OSBPL8: variants seen among roughly 807,000 people sequenced by gnomAD.
OSBPL8 encodes oxysterol binding protein like 8.
OSBPL8 carries 59 observed loss-of-function variants against 125.5 expected under a neutral mutation model. The ratio of observed to expected loss-of-function variants is 0.47; its 90% confidence interval spans 0.38 to 0.58. OSBPL8 has a LOEUF of 0.58. OSBPL8 is among the 20% of genes least tolerant of loss of function. The pLI, the probability that OSBPL8 is intolerant of heterozygous loss-of-function variation, is 0.00. For synonymous variants in OSBPL8, 330 were observed against 338.9 expected (o/e 0.97, Z 0.29); for missense variants, 758 against 1,047.8 (o/e 0.72, Z 3.82).
At position 76,373,327 on chromosome 12, in the gene OSBPL8, A is replaced by C. The variant is rs1952691396; in HGVS notation, c.1917+17T>G. On this transcript the variant is annotated intron_variant, in intron 18 of 23. Coordinates refer to ENST00000261183, the MANE Select transcript of OSBPL8 (RefSeq NM_020841.5). Reference sequence around the variant, plus strand: ...GAATAAAATTCTTTTTGTAAAGCTCATATACAAAATACTTACCCAATGACC... The same window carrying C: ...GAATAAAATTCTTTTTGTAAAGCTCCTATACAAAATACTTACCCAATGACC... The C allele has an allele frequency of 3.4e-6, 5 of 1,477,294 alleles. No individual in the cohort carries two copies. The highest frequency in any genetic ancestry group is 2.0e-5 in the Admixed American group (1 of 50,366). 91.5% of individuals were successfully genotyped at this position (1,477,294 alleles called of 1,614,324 possible).
chr12:76,409,626 C>T (rs1954427400), intron 5 of OSBPL8, among the ~76,000 whole-genome samples: 1 of 152,104 alleles, frequency 6.6e-6, no homozygotes, highest in African/African-American at 2.4e-5. Flanking sequence ...ATTTCTCATA[C>T]ATGTTATATA....
chr12:76,513,861 C>G lies in OSBPL8; in HGVS notation c.-67-26243G>C, dbSNP rs1031083436. ...GGTGAGTCTTTTGAAGACAGCATAGCACTGGGTCTTGCTTTTTTATCCAGT... is the reference window on the plus strand; with the variant it reads ...GGTGAGTCTTTTGAAGACAGCATAGGACTGGGTCTTGCTTTTTTATCCAGT... On this transcript the variant is annotated intron_variant, in intron 1 of 23. Transcript: ENST00000261183. 3.3e-5 allele frequency among the ~76,000 whole-genome samples: 5 copies of G among 150,928 alleles called. No individual in the cohort carries two copies. In the East Asian group the frequency reaches 9.9e-4, roughly 30 times the overall value.
chr12:76,481,546 C>T (rs1386814640), intron 2 of OSBPL8, among the ~76,000 whole-genome samples: 7 of 152,048 alleles, frequency 4.6e-5, no homozygotes, highest in South Asian at 2.1e-4. Flanking sequence ...GGGAGGATCA[C>T]TTAAGCCCAG....
rs1270431393 is a variant in OSBPL8, at chr12:76,353,156, A to G, written c.*2733T>C. 4 of 152,474 alleles carry G rather than the reference A, an allele frequency of 2.6e-5. No individual in the cohort carries two copies. The highest frequency in any genetic ancestry group is 2.0e-4 in the Admixed American group (3 of 15,270). 9.4% of individuals were successfully genotyped at this position (152,474 alleles called of 1,614,324 possible). On this transcript the variant is annotated 3_prime_UTR_variant, in exon 24 of 24. Coordinates refer to ENST00000261183, the MANE Select transcript of OSBPL8 (RefSeq NM_020841.5). ...TGTATTTTACAAGGCCAACTTTTCA[A>G]TGGAATGCGGTTACCAACTGAGCTG...
At chr12:76,481,463 T>G (rs1293726410) in intron 2 of OSBPL8, among the ~76,000 whole-genome samples, 1 of 151,392 alleles carries the variant, frequency 6.6e-6, no homozygotes, top group Non-Finnish European at 1.5e-5. Context: ...CTGCGTCTAT[T>G]AAAAAAAAAT....
chr12:76,500,497 TAA>T (rs1254116748), intron 1 of OSBPL8, among the ~76,000 whole-genome samples: 6 of 152,214 alleles, frequency 3.9e-5, no homozygotes, highest in African/African-American at 1.4e-4. Flanking sequence ...TAATACTATT[TAA>T]GTTTTTAAAA....
Position 76,535,927 on chromosome 12 carries a change from A to G in OSBPL8, c.-68+23470T>C, listed in dbSNP as rs570178244. On this transcript the variant is annotated intron_variant, in intron 1 of 23. Coordinates refer to ENST00000261183, the MANE Select transcript of OSBPL8 (RefSeq NM_020841.5). Reference sequence around the variant, plus strand: ...ACAAGAGAATTTTGGGGACTGATGGAAAGTTCTATATCTGTATCTATTGTG... The same window carrying G: ...ACAAGAGAATTTTGGGGACTGATGGGAAGTTCTATATCTGTATCTATTGTG... Among the ~76,000 whole-genome samples the G allele has an allele frequency of 1.1e-4, 16 of 152,288 alleles. No individual in the cohort carries two copies. The East Asian group carries it at 3.1e-3, about 29-fold the overall frequency.
chr12:76,501,987 A>G (rs1565949449), intron 1 of OSBPL8, among the ~76,000 whole-genome samples: 1 of 152,252 alleles, frequency 6.6e-6, no homozygotes, highest in South Asian at 2.1e-4. Flanking sequence ...CTCATTTCAC[A>G]GCAAATGTAG....
chr12:76,447,842 C>T (rs1051153773), intron 4 of OSBPL8, among the ~76,000 whole-genome samples: 8 of 152,254 alleles, frequency 5.3e-5, no homozygotes, highest in African/African-American at 1.9e-4. Flanking sequence ...CCACTGCACC[C>T]GGTCAGCCAA....
intron 21 of OSBPL8, among the ~76,000 whole-genome samples, chr12:76,365,611 G>A (rs1185850697): frequency 6.6e-6 from 1 of 151,762 alleles, no homozygotes; most frequent in African/African-American, 2.4e-5. Context: ...TTCTTGCTCT[G>A]GCTAGAACTT....
At chr12:76,429,033 T>C (rs2136556523) in intron 4 of OSBPL8, among the ~76,000 whole-genome samples, 2 of 152,260 alleles carry the variant, frequency 1.3e-5, no homozygotes, top group Admixed American at 1.3e-4. Context: ...ATCTTACTAA[T>C]AATTACATGG....
chr12:76,545,016 A>G (rs576121525), intron 1 of OSBPL8, among the ~76,000 whole-genome samples: 1 of 152,310 alleles, frequency 6.6e-6, no homozygotes, highest in Non-Finnish European at 1.5e-5. Flanking sequence ...CAGAGAGAGT[A>G]AGTGGTTTGC....
chr12:76,422,615 C>T (rs1271047823), intron 4 of OSBPL8: 5 of 456,546 alleles, frequency 1.1e-5, no homozygotes, highest in South Asian at 6.2e-5. Flanking sequence ...AACCCCAGTA[C>T]AGGAAGAAAA....
intron 6 of OSBPL8, among the ~76,000 whole-genome samples, chr12:76,400,389 C>G (rs1036514115): frequency 6.6e-5 from 10 of 152,180 alleles, no homozygotes; most frequent in African/African-American, 2.4e-4. Context: ...TTTTCTTTAT[C>G]CAGTCTCTCA....
chr12:76,361,943 G>A lies in OSBPL8; in HGVS notation c.2329-3132C>T, dbSNP rs185797046. 2.0e-3 allele frequency among the ~76,000 whole-genome samples: 302 copies of A among 152,246 alleles called. 1 individual carries two copies. Among genetic ancestry groups the A allele is most frequent in the African/African-American group, 6.9e-3 (287 of 41,534 alleles). ...TAATGTTCATGCTTGGAAAAACAGA[G>A]AACCAGTGGTCAACAACTCGTTCTT... On this transcript the variant is annotated intron_variant, in intron 21 of 23. Transcript: ENST00000261183.
chr12:76,399,490 A>T (rs1953960416), intron 7 of OSBPL8, among the ~76,000 whole-genome samples: 2 of 152,226 alleles, frequency 1.3e-5, no homozygotes, highest in Admixed American at 6.5e-5. Context: ...TGATTATTTT[A>T]AAATAGCTTT....
chr12:76,479,761 G>A (rs935035102), intron 2 of OSBPL8, among the ~76,000 whole-genome samples: 9 of 152,232 alleles, frequency 5.9e-5, no homozygotes, highest in East Asian at 3.9e-4. Flanking sequence ...ATAAACCATC[G>A]TGTTTTTTCA....
intron 4 of OSBPL8, among the ~76,000 whole-genome samples, chr12:76,428,464 C>T (rs946136451): frequency 6.6e-6 from 1 of 151,992 alleles, no homozygotes; most frequent in Non-Finnish European, 1.5e-5. Flanking sequence ...GGAAAAACCC[C>T]TTTCAATTCT....
chr12:76,473,514 G>A lies in OSBPL8; in HGVS notation c.43-13619C>T, dbSNP rs189080118. Among the ~76,000 whole-genome samples, 87 of 152,176 alleles carry A rather than the reference G, an allele frequency of 5.7e-4. 2 individuals carry two copies. Among genetic ancestry groups the A allele is most frequent in the African/African-American group, 2.1e-3 (86 of 41,530 alleles). ...GAAATCAACTAAGGGACTTTAAAAG[G>A]TACTAATATACGCAACTCACCCTCT... is the stretch of plus-strand genomic sequence containing the variant. On this transcript the variant is annotated intron_variant, in intron 2 of 23. Coordinates refer to ENST00000261183, the MANE Select transcript of OSBPL8 (RefSeq NM_020841.5).
Sources: allele counts gnomAD v4.1 joint callset (sites outside exome capture counted in the v4.1 genomes callset), GRCh38; gene constraint gnomAD v4.1.1; transcripts MANE v1.5; gene names NCBI Gene and HGNC (gene_info 2026-07-23, HGNC 2026-07-21).